The following SENP7 variants were observed in gnomAD, a reference collection of about 807,000 sequenced individuals.
SENP7 encodes the protein SUMO specific peptidase 7.
A neutral mutation model predicts 141.2 loss-of-function variants in SENP7; 64 were observed. That is an observed-to-expected ratio of 0.45 (90% CI 0.37 to 0.56). SENP7 has a LOEUF of 0.56. Ranked by LOEUF, SENP7 falls within the 20% of genes least tolerant of loss-of-function variation. SENP7 has a pLI of 0.00. For synonymous variants in SENP7, 382 were observed against 426.4 expected, an observed-to-expected ratio of 0.90 and a Z score of 1.28; for missense variants, 1,025 against 1,212.2, an observed-to-expected ratio of 0.85 and a Z score of 2.29.
intron 5 of SENP7, chr3:101,414,360 G>A: frequency 1.2e-6 from 1 of 809,520 alleles, no homozygotes; most frequent in East Asian, 2.4e-5. Flanking sequence ...CCTCCCTGCA[G>A]CAGGTGCACC....
At chr3:101,424,577 C>T (rs1197698902) in intron 4 of SENP7, among the ~76,000 whole-genome samples, 3 of 151,984 alleles carry the variant, frequency 2.0e-5, no homozygotes, top group African/African-American at 2.4e-5. Context: ...ACACCTTCCC[C>T]CCACACTGAG....
Position 101,493,979 on chromosome 3 carries a change from G to A in SENP7, c.91-11C>T. The A allele has an allele frequency of 1.9e-6, 3 of 1,539,612 alleles. No individual in the cohort carries two copies. The highest frequency in any genetic ancestry group is 1.8e-6 in the Non-Finnish European group (2 of 1,113,428). Reference sequence around the variant, plus strand: ...TAACATCTTTCTTATCTGAAAATAGGATGAGAAAATAATTAGTTTAATTGA... The same window carrying A: ...TAACATCTTTCTTATCTGAAAATAGAATGAGAAAATAATTAGTTTAATTGA... On this transcript the variant is annotated splice_polypyrimidine_tract_variant and intron_variant, in intron 2 of 23. Coordinates refer to ENST00000394095, the MANE Select transcript of SENP7 (RefSeq NM_020654.5).
At chr3:101,331,260 G>C (rs2059041375) in intron 19 of SENP7, among the ~76,000 whole-genome samples, 1 of 151,910 alleles carries the variant, frequency 6.6e-6, no homozygotes, top group South Asian at 2.1e-4. Flanking sequence ...TGTGAGGACT[G>C]CTTGAGGCCA....
chr3:101,384,597 A>G (rs2060598985), intron 6 of SENP7, among the ~76,000 whole-genome samples: 1 of 152,224 alleles, frequency 6.6e-6, no homozygotes, highest in African/African-American at 2.4e-5. Flanking sequence ...GTCCCACCAC[A>G]GCCGACATGC....
chr3:101,499,831 G>A (rs889791002), intron 2 of SENP7, among the ~76,000 whole-genome samples: 7 of 151,958 alleles, frequency 4.6e-5, no homozygotes, highest in African/African-American at 1.2e-4. Context: ...CACTGCGCCC[G>A]GCCAATTTTT....
At chr3:101,474,352 T>G (rs2064130140) in intron 3 of SENP7, among the ~76,000 whole-genome samples, 2 of 152,170 alleles carry the variant, frequency 1.3e-5, no homozygotes, top group Non-Finnish European at 2.9e-5. Flanking sequence ...CATCTCTGAT[T>G]TCTTTGAACA....
chr3:101,432,498 GCTGGCTTCAGGT>G (rs1363377593), intron 4 of SENP7, among the ~76,000 whole-genome samples: 4 of 152,202 alleles, frequency 2.6e-5, no homozygotes, highest in Admixed American at 2.6e-4. Flanking sequence ...CCCAGGCTGT[GCTGGCTTCAGGT>G]CTGACCCAGC....
At position 101,325,147 on chromosome 3, in the gene SENP7, T is replaced by C. The variant is rs1249431251; in HGVS notation, c.*796A>G. 3 of 152,088 alleles carry C rather than the reference T, an allele frequency of 2.0e-5. No individual in the cohort carries two copies. Among genetic ancestry groups the C allele is most frequent in the Non-Finnish European group, 4.4e-5 (3 of 67,982 alleles). 9.4% of individuals were successfully genotyped at this position (152,088 alleles called of 1,614,324 possible). On this transcript the variant is annotated 3_prime_UTR_variant, in exon 24 of 24. Transcript: ENST00000394095. Reference sequence around the variant, plus strand: ...AAACTATACATAAATTCCGTGATAATGTGAGTGAATATTTATATAGCAGTA... The same window carrying C: ...AAACTATACATAAATTCCGTGATAACGTGAGTGAATATTTATATAGCAGTA...
Position 101,398,881 on chromosome 3 carries a change from C to G in SENP7, c.657G>C (p.Lys219Asn), listed in dbSNP as rs1553714709. ...CATACCTTTCAGATAAATAACAGCT[C>G]TTGTGAGGGTTTAGATTTTGATAAG... ...LESYQNLNPH[K>N]SCYLSERGSQ... The change falls in exon 6 of 24, where the codon AAG becomes AAC. Residue 219 changes from lysine (K) to asparagine (N), a missense_variant. Transcript: ENST00000394095. The G allele has an allele frequency of 6.2e-7, 1 of 1,604,018 alleles. No homozygotes were observed. Among genetic ancestry groups the G allele is most frequent in the Non-Finnish European group, 8.5e-7 (1 of 1,174,686 alleles).
intron 14 of SENP7, 51 bp from the exon 15 acceptor site, chr3:101,341,830 G>C: frequency 6.6e-7 from 1 of 1,517,422 alleles, no homozygotes; most frequent in African/African-American, 1.4e-5. Context: ...ACTTTCAAAA[G>C]AACAAAGTCA....
At chr3:101,438,869 G>A (rs910083888) in intron 4 of SENP7, among the ~76,000 whole-genome samples, 22 of 151,412 alleles carry the variant, frequency 1.5e-4, no homozygotes, top group Admixed American at 4.6e-4. Flanking sequence ...AGGAGCGGAC[G>A]GGCCCCGCGG....
At chr3:101,457,775 C>T in intron 4 of SENP7, 3 of 667,546 alleles carry the variant, frequency 4.5e-6, no homozygotes, top group South Asian at 3.7e-5. Context: ...AGGGTTGGTG[C>T]TAAGAGGGTC....
intron 3 of SENP7, among the ~76,000 whole-genome samples, chr3:101,470,804 C>T (rs1559876464): frequency 6.6e-6 from 1 of 152,212 alleles, no homozygotes; most frequent in Non-Finnish European, 1.5e-5. Context: ...TCAGCAAAGT[C>T]TCAGGATACA....
rs186605370 is a variant in SENP7 at position 101,372,101 on chromosome 3, C to G, written c.703G>C (p.Asp235His). The change falls in exon 7 of 24, where the codon GAT (aspartate) becomes CAT (histidine). Residue 235 changes from aspartate (D) to histidine (H), a missense_variant. Asp to His is a moderately conservative substitution (Grantham distance 81). Transcript: ENST00000394095. Reference sequence around the variant, plus strand: ...GCAGTCTGCTTTGCAGAATTGTCATCTACTGTCTTACTTCGTTGTGAGCCC... The same window carrying G: ...GCAGTCTGCTTTGCAGAATTGTCATGTACTGTCTTACTTCGTTGTGAGCCC... ...ERGSQRSKTV[D>H]DNSAKQTAHN... The G allele has an allele frequency of 2.7e-5, 42 of 1,559,418 alleles. No homozygotes were observed. The East Asian group carries it at 9.0e-4, about 34-fold the overall frequency.
chr3:101,327,483 G>GTC (rs975120154), intron 23 of SENP7, among the ~76,000 whole-genome samples, 183 bp downstream of exon 23: 13 of 151,934 alleles, frequency 8.6e-5, no homozygotes, highest in African/African-American at 2.9e-4. Flanking sequence ...CACCATGATC[G>GTC]TAAGTTTCCT....
At chr3:101,460,714 T>C (rs7612587) in intron 3 of SENP7, among the ~76,000 whole-genome samples, 60,324 of 151,928 alleles carry the variant, frequency 0.4, 12,478 homozygotes, top group Admixed American at 0.54. Context: ...TCAGCAAAAT[T>C]TGAAACTTTT....
At position 101,324,498 on chromosome 3, in the gene SENP7, C is replaced by A. The variant is rs892515303; in HGVS notation, c.*1445G>T. On this transcript the variant is annotated 3_prime_UTR_variant, in exon 24 of 24. Coordinates refer to ENST00000394095, the MANE Select transcript of SENP7 (RefSeq NM_020654.5). ...AACAATAGTCACCTTTAAAAGTACC[C>A]CCCAACACACACAAATTGGGAATGA... 6.6e-6 allele frequency: 1 copy of A among 151,926 alleles called. No homozygotes were observed. Among genetic ancestry groups the A allele is most frequent in the Non-Finnish European group, 1.5e-5 (1 of 67,938 alleles). The allele number at this position is 151,926 out of a possible 1,614,324, so 9.4% of individuals were successfully genotyped here.
intron 6 of SENP7, among the ~76,000 whole-genome samples, chr3:101,389,751 C>CA (rs939642370): frequency 2.6e-5 from 4 of 151,934 alleles, no homozygotes; most frequent in Admixed American, 2.0e-4. Flanking sequence ...ATGAAAATGA[C>CA]AAAGGAGTTG....
At chr3:101,356,517 C>T (rs1053783115) in intron 11 of SENP7, among the ~76,000 whole-genome samples, 1 of 152,074 alleles carries the variant, frequency 6.6e-6, no homozygotes, top group Non-Finnish European at 1.5e-5. Context: ...AAGTTATATA[C>T]AAATAATTTA....
Sources: allele counts gnomAD v4.1 joint callset (sites outside exome capture counted in the v4.1 genomes callset), GRCh38; gene constraint gnomAD v4.1.1; transcripts MANE v1.5; gene names NCBI Gene and HGNC (gene_info 2026-07-23, HGNC 2026-07-21).